Variants in DENND2D observed in about 807,000 individuals in gnomAD.
DENND2D encodes the protein DENN domain containing 2D.
DENND2D carries 37 observed loss-of-function variants against 59.8 expected under a neutral mutation model. The observed-to-expected ratio is 0.62, with a 90% CI of 0.48 to 0.81. The LOEUF is 0.81. Ranked by LOEUF, DENND2D falls within the 40% of genes least tolerant of loss-of-function variation. DENND2D has a pLI of 0.00. For synonymous variants in DENND2D, 219 were observed against 211.3 expected (o/e 1.04, Z -0.31); for missense variants, 525 against 579.7 (o/e 0.91, Z 0.97).
intron 7 of DENND2D, among the ~76,000 whole-genome samples, chr1:111,193,930 C>G (rs1056052719): frequency 2.0e-4 from 31 of 152,218 alleles, no homozygotes; most frequent in African/African-American, 7.2e-4. Context: ...ATGTGCTCAG[C>G]AGGGTGTTAG....
At chr1:111,194,861 C>G in intron 6 of DENND2D, 135 bp from the exon 7 acceptor site, 1 of 981,268 alleles carries the variant, frequency 1.0e-6, no homozygotes, top group Non-Finnish European at 1.5e-6. Context: ...TGTCCCCCTG[C>G]TAATTGGCTG....
chr1:111,189,200 C>A lies in DENND2D; in HGVS notation c.1014+12G>T, dbSNP rs1167473010. ...TGATAGGCCTGCAGGGGATCTGAAC[C>A]CAGACACTTACCGACATTAAGAAGG... On this transcript the variant is annotated intron_variant, in intron 9 of 11. Transcript: ENST00000357640. 1.9e-6 allele frequency: 3 copies of A among 1,614,066 alleles called. No individual in the cohort carries two copies. The Admixed American group carries it at 5.0e-5, about 27-fold the overall frequency.
At chr1:111,199,252 C>G (rs1658561026) in intron 2 of DENND2D, among the ~76,000 whole-genome samples, 1 of 152,202 alleles carries the variant, frequency 6.6e-6, no homozygotes, top group Non-Finnish European at 1.5e-5. Flanking sequence ...CTCTTTCCTT[C>G]CCACACATCC....
intron 8 of DENND2D, among the ~76,000 whole-genome samples, chr1:111,190,716 TAGAG>T (rs1478562739): frequency 2.0e-5 from 3 of 152,318 alleles, no homozygotes; most frequent in East Asian, 3.9e-4. Flanking sequence ...TTGGTCTTGA[TAGAG>T]AGAATGATCC....
At chr1:111,199,582 C>A in intron 2 of DENND2D, 41 bp downstream of exon 2, 1 of 1,584,584 alleles carries the variant, frequency 6.3e-7, no homozygotes, top group Non-Finnish European at 8.6e-7. Context: ...TTCCAAACAC[C>A]CCAGTCCTCT....
intron 8 of DENND2D, among the ~76,000 whole-genome samples, chr1:111,191,904 T>C (rs1371219993): frequency 2.6e-5 from 4 of 152,236 alleles, no homozygotes; most frequent in Non-Finnish European, 5.9e-5. Context: ...GAAGGGAACC[T>C]GCATTTATTG....
At chr1:111,200,264 C>G in intron 1 of DENND2D, 129 bp downstream of exon 1, 1 of 1,301,958 alleles carries the variant, frequency 7.7e-7, no homozygotes. Context: ...GCCTCCTGAC[C>G]CAGTCACATG....
intron 4 of DENND2D, 54 bp downstream of exon 4, chr1:111,197,866 C>A: frequency 6.2e-7 from 1 of 1,610,828 alleles, no homozygotes; most frequent in Non-Finnish European, 8.5e-7. Flanking sequence ...GCAAGCCCAG[C>A]CGTGGAGCTG....
rs1245481712 is a variant in DENND2D at position 111,194,669 on chromosome 1, G to A, written c.703C>T (p.Leu235=). 1 of 1,614,066 alleles carries A rather than the reference G, an allele frequency of 6.2e-7. No homozygotes were observed. The highest frequency in any genetic ancestry group is 1.7e-5 in the Admixed American group (1 of 60,004). The change falls in exon 7 of 12, where the codon CTA becomes TTA. Residue 235 remains leucine (L), a synonymous_variant. Transcript: ENST00000357640. ...SHLEHVDFSS[L]LHCLSFEQIL... ...TGTTCAAAACTGAGACAGTGCAATAGAGAACTAAAATCCACATGTTCTAGG... is the reference window on the plus strand; with the variant it reads ...TGTTCAAAACTGAGACAGTGCAATAAAGAACTAAAATCCACATGTTCTAGG...
At chr1:111,195,732 C>T in intron 6 of DENND2D, 184 bp downstream of exon 6, 1 of 754,222 alleles carries the variant, frequency 1.3e-6, no homozygotes. Context: ...TTGTGGGTAT[C>T]AAGTTAGAAG....
chr1:111,186,501 C>T lies in DENND2D; in HGVS notation c.*1104G>A, dbSNP rs1657258270. Among the ~76,000 whole-genome samples the T allele has an allele frequency of 6.6e-6, 1 of 152,024 alleles. No homozygotes were observed. Among genetic ancestry groups the T allele is most frequent in the Non-Finnish European group, 1.5e-5 (1 of 67,984 alleles). On this transcript the variant is annotated 3_prime_UTR_variant, in exon 12 of 12. Transcript: ENST00000357640. ...ATAGAATTTAGGAACTTCTGAGGGC[C>T]ACAAATACACACATTAAAAAAGGTA...
rs146688505 is a variant in DENND2D at position 111,197,029 on chromosome 1, C to A, written c.504+147G>T. 1,012 of 875,478 alleles carry A rather than the reference C, an allele frequency of 1.2e-3. 7 individuals carry two copies. In the African/African-American group the frequency reaches 0.014, roughly 13 times the overall value. 54.2% of individuals were successfully genotyped at this position (875,478 alleles called of 1,614,324 possible). ...ACTTTTCCCTTAAGTCAAGTGCATG[C>A]CCCTTTGCCTCAGTTTTCCCAAGTG... is the stretch of plus-strand genomic sequence containing the variant. On this transcript the variant is annotated intron_variant, in intron 5 of 11. Transcript: ENST00000357640.
chr1:111,200,171 A>G (rs1328294700), intron 1 of DENND2D: 2 of 610,216 alleles, frequency 3.3e-6, no homozygotes, highest in Non-Finnish European at 5.7e-6. Flanking sequence ...CTAAGTGAAT[A>G]AGAACAGGCT....
chr1:111,199,576 A>G (rs1202241240), intron 2 of DENND2D, 47 bp downstream of exon 2: 1 of 1,569,042 alleles, frequency 6.4e-7, no homozygotes, highest in Non-Finnish European at 8.7e-7. Flanking sequence ...ACCACCTTCC[A>G]AACACCCCAG....
Position 111,188,310 on chromosome 1 carries a change from A to C in DENND2D, c.1160T>G (p.Val387Gly), listed in dbSNP as rs1657411213. The change falls in exon 11 of 12, where the codon GTG becomes GGG. Residue 387 changes from valine to glycine, a missense_variant. Around this residue, in one of 3 missense-constraint regions of DENND2D, gnomAD observed 225 missense variants for 252.4 expected, o/e 0.89. Coordinates refer to ENST00000357640, the MANE Select transcript of DENND2D (RefSeq NM_024901.5). The part of the protein sequence containing the change: ...GPFVQFFVKI[V>G]GHYASYIKRE... ...CTTGATATAGGAAGCATAATGGCCCACAATCTTGACAAAGAACTGCACAAA... is the reference window on the plus strand; with the variant it reads ...CTTGATATAGGAAGCATAATGGCCCCCAATCTTGACAAAGAACTGCACAAA... 3 of 1,614,058 alleles carry C rather than the reference A, an allele frequency of 1.9e-6. No individual in the cohort carries two copies. Among genetic ancestry groups the C allele is most frequent in the Non-Finnish European group, 2.5e-6 (3 of 1,180,042 alleles).
At chr1:111,197,112 A>G (rs1307169817) in intron 5 of DENND2D, 64 bp downstream of exon 5, 20 of 1,545,746 alleles carry the variant, frequency 1.3e-5, no homozygotes, top group Admixed American at 1.9e-5. Flanking sequence ...TTAGTTGCAC[A>G]GGCAGGGTTG....
Position 111,199,750 on chromosome 1 carries a change from GC to G in DENND2D, c.115del (p.Ala39ProfsTer36). The G allele has an allele frequency of 6.2e-7, 1 of 1,614,102 alleles. No individual in the cohort carries two copies. The highest frequency in any genetic ancestry group is 8.5e-7 in the Non-Finnish European group (1 of 1,180,012). The part of the protein sequence containing the change: ...SGEALKEPER[A>X]QEHSLPNFAG... ...AAAGTTGGGCAAAGAGTGCTCCTGG[GC>G]CCTTTCTGGTTCCTTTAAAGCTTCC... On this transcript the variant is annotated frameshift_variant, in exon 2 of 12. Coordinates refer to ENST00000357640, the MANE Select transcript of DENND2D (RefSeq NM_024901.5). LOFTEE classifies it high-confidence loss of function.
At chr1:111,200,300 A>G in intron 1 of DENND2D, 93 bp downstream of exon 1, 2 of 1,508,722 alleles carry the variant, frequency 1.3e-6, no homozygotes, top group Non-Finnish European at 1.8e-6. Context: ...GCCGAGATAT[A>G]AAGGAAGAGG....
At chr1:111,202,648 G>C (rs1248372192), upstream of DENND2D, among the ~76,000 whole-genome samples, 1 of 149,750 alleles carries the variant, frequency 6.7e-6, no homozygotes, top group East Asian at 2.0e-4. Flanking sequence ...TTCCAGCTCA[G>C]CTGCTCTCAA....
Sources: allele counts gnomAD v4.1 joint callset (sites outside exome capture counted in the v4.1 genomes callset), GRCh38; gene constraint gnomAD v4.1.1; regional missense constraint gnomAD v4.1.1; transcripts MANE v1.5; gene names NCBI Gene and HGNC (gene_info 2026-07-23, HGNC 2026-07-21).